STK3: variants seen among roughly 807,000 people sequenced by gnomAD.
STK3 encodes serine/threonine-protein kinase 3.
Under a neutral mutation model 58.0 loss-of-function variants are expected in STK3, and 41 were observed. The ratio of observed to expected loss-of-function variants is 0.71; its 90% confidence interval spans 0.55 to 0.92. The LOEUF is 0.92. Ranked by LOEUF, STK3 falls within the 40% of genes least tolerant of loss-of-function variation. The probability of loss-of-function intolerance (pLI) is 0.00; values close to 1 mark genes in which losing one functional copy is unlikely to be tolerated. For synonymous variants in STK3, 170 were observed against 191.0 expected, an observed-to-expected ratio of 0.89 and a Z score of 0.91; for missense variants, 479 against 602.7, an observed-to-expected ratio of 0.79 and a Z score of 2.15.
chr8:98,435,526 T>G (rs1304306191), intron 2 of STK3, among the ~76,000 whole-genome samples: 2 of 152,042 alleles, frequency 1.3e-5, no homozygotes, highest in African/African-American at 2.4e-5. Context: ...GGTGGCTGAT[T>G]TGAGGTCACG....
chr8:98,481,707 T>A (rs1229984717), intron 10 of STK3, among the ~76,000 whole-genome samples: 1 of 140,680 alleles, frequency 7.1e-6, no homozygotes, highest in Non-Finnish European at 1.5e-5. Context: ...ACCACTAGTA[T>A]CCCTAAAGCT....
chr8:98,590,586 C>T (rs977039576), intron 7 of STK3, among the ~76,000 whole-genome samples: 1 of 152,204 alleles, frequency 6.6e-6, no homozygotes, highest in Non-Finnish European at 1.5e-5. Flanking sequence ...ATTGATCTCC[C>T]AAGGGAGGCC....
At chr8:98,362,730 A>G in the STK3 span, among the ~76,000 whole-genome samples, 1 of 152,140 alleles carries the variant, frequency 6.6e-6, no homozygotes, top group Non-Finnish European at 1.5e-5. Context: ...GTGGGGCAAA[A>G]GTATGATGCT....
chr8:98,592,465 T>C (rs1468240770), intron 7 of STK3, among the ~76,000 whole-genome samples: 1 of 152,200 alleles, frequency 6.6e-6, no homozygotes. Flanking sequence ...ACTTCTACAT[T>C]GTATTATAAT....
Position 98,455,534 on chromosome 8 carries a change from C to G in STK3, c.*308G>C. ...AGCCCTTCAGTGCTGTACAATGCAA[C>G]AATAGCTTTGGATTTTCAAGGTTTA... On this transcript the variant is annotated 3_prime_UTR_variant, in exon 11 of 11. Transcript: ENST00000419617. 2.9e-6 allele frequency: 1 copy of G among 348,382 alleles called. No individual in the cohort carries two copies. Among genetic ancestry groups the G allele is most frequent in the East Asian group, 6.4e-5 (1 of 15,616 alleles). 21.6% of individuals were successfully genotyped at this position (348,382 alleles called of 1,614,324 possible). A position where few individuals can be genotyped will look rare whatever the true frequency, so the allele number is the denominator to read the frequency against.
chr8:98,530,477 C>T (rs1826089467), intron 9 of STK3, among the ~76,000 whole-genome samples: 1 of 152,130 alleles, frequency 6.6e-6, no homozygotes, highest in Admixed American at 6.5e-5. Context: ...AGGCCTGGTG[C>T]TAGTCCACTC....
chr8:98,464,191 T>C (rs1037088642), intron 10 of STK3, among the ~76,000 whole-genome samples: 2 of 152,152 alleles, frequency 1.3e-5, no homozygotes, highest in Admixed American at 1.3e-4. Context: ...ACAACAAGAA[T>C]TTTCTATGGC....
At chr8:98,869,802 T>TA (rs1311246552) in intron 3 of STK3, among the ~76,000 whole-genome samples, 1 of 24,116 alleles carries the variant, frequency 4.1e-5, no homozygotes, top group Non-Finnish European at 6.8e-5. Flanking sequence ...AAGAAGATTT[T>TA]CTTTTTTTTT....
At chr8:98,803,610 A>AAAAC (rs1833726851) in intron 1 of STK3, among the ~76,000 whole-genome samples, 2 of 117,860 alleles carry the variant, frequency 1.7e-5, no homozygotes, top group African/African-American at 7.1e-5. Flanking sequence ...AAAAAAAAAG[A>AAAAC]AAAAAAAAGA....
chr8:98,446,045 TTTAA>T lies in STK3; in HGVS notation n.186-8841_186-8838del, dbSNP rs1414195137. ...AAGCAAGACAAACTACCCTCACTGC[TTTAA>T]TTGTGTAATGAACTTTCTCAGACAC... On this transcript the variant is annotated intron_variant and non_coding_transcript_variant, in intron 1 of 3. Transcript: ENST00000517832. Among the ~76,000 whole-genome samples, 27 of 152,240 alleles carry T rather than the reference TTTAA, an allele frequency of 1.8e-4. 2 individuals are homozygous for T. Among genetic ancestry groups the T allele is most frequent in the Non-Finnish European group, 4.4e-5 (3 of 68,038 alleles).
chr8:98,842,879 C>G (rs1836050693), intron 3 of STK3, among the ~76,000 whole-genome samples: 1 of 151,872 alleles, frequency 6.6e-6, no homozygotes. Flanking sequence ...TGGTCCTTAG[C>G]TAATTAGCAC....
At chr8:98,404,763 A>G (rs958870783) in intron 3 of STK3, among the ~76,000 whole-genome samples, 1 of 151,594 alleles carries the variant, frequency 6.6e-6, no homozygotes, top group South Asian at 2.1e-4. Context: ...AGGTGGCAGG[A>G]TTGCTTGAGT....
At chr8:98,424,872 A>AG in intron 3 of STK3, among the ~76,000 whole-genome samples, 1 of 152,318 alleles carries the variant, frequency 6.6e-6, no homozygotes, top group South Asian at 2.1e-4. Context: ...AAGCCACAGA[A>AG]GGGGGCTGTG....
intron 9 of STK3, among the ~76,000 whole-genome samples, chr8:98,536,092 C>T (rs775289523): frequency 3.3e-5 from 5 of 152,128 alleles, no homozygotes; most frequent in Admixed American, 6.6e-5. Flanking sequence ...CCCCAACAGC[C>T]TTGTGCGTGC....
intron 3 of STK3, among the ~76,000 whole-genome samples, chr8:98,837,629 T>C (rs1006141398): frequency 1.3e-5 from 2 of 152,134 alleles, no homozygotes; most frequent in African/African-American, 4.8e-5. Flanking sequence ...TTTAGTTACA[T>C]TGATATAAGG....
intron 10 of STK3, among the ~76,000 whole-genome samples, chr8:98,521,031 T>C (rs1045437067): frequency 1.3e-5 from 2 of 152,266 alleles, no homozygotes; most frequent in East Asian, 3.9e-4. Context: ...CAATGCTTCC[T>C]TTATTCATCT....
intron 7 of STK3, among the ~76,000 whole-genome samples, chr8:98,585,120 T>C (rs992211163): frequency 6.6e-6 from 1 of 151,740 alleles, no homozygotes. Flanking sequence ...TTTGTCAATT[T>C]TGGCTTTTGT....
chr8:98,680,087 A>G (rs1823518046), intron 6 of STK3, among the ~76,000 whole-genome samples: 1 of 152,188 alleles, frequency 6.6e-6, no homozygotes, highest in Non-Finnish European at 1.5e-5. Context: ...GTGAAACTGG[A>G]TATATAACTT....
intron 8 of STK3, among the ~76,000 whole-genome samples, chr8:98,563,673 G>C (rs1812244740): frequency 6.6e-6 from 1 of 152,090 alleles, no homozygotes; most frequent in African/African-American, 2.4e-5. Context: ...GTAAGGAAGA[G>C]CTAAAAACAA....
Sources: gnomAD v4.1 joint callset for allele counts (sites outside exome capture counted in the v4.1 genomes callset) on GRCh38, gnomAD v4.1.1 for gene constraint, MANE v1.5 for transcripts, NCBI Gene and HGNC (gene_info 2026-07-23, HGNC 2026-07-21) for gene names.